Variants in ARID1B observed in about 807,000 individuals in gnomAD.
The protein encoded by ARID1B is AT-rich interaction domain 1B, also known as AT-rich interactive domain-containing protein 1B.
In ARID1B, 30 loss-of-function variants were observed where a neutral mutation model predicts 212.3. The observed-to-expected ratio is 0.14, with a 90% CI of 0.11 to 0.19. The LOEUF is 0.19. ARID1B is among the 10% of genes least tolerant of loss of function. The pLI, the probability that ARID1B is intolerant of heterozygous loss-of-function variation, is 1.00. For synonymous variants in ARID1B, 1,402 were observed against 1,301.7 expected (o/e 1.08, Z -1.66); for missense variants, 2,891 against 3,204.0 (o/e 0.90, Z 2.36).
intron 4 of ARID1B, among the ~76,000 whole-genome samples, chr6:157,057,266 G>T (rs1338642696): frequency 1.3e-5 from 2 of 152,108 alleles, no homozygotes; most frequent in African/African-American, 4.8e-5. Flanking sequence ...AAAGTGTTGG[G>T]ATTACAGGCG....
At chr6:157,142,874 A>T (rs147159814) in intron 7 of ARID1B, among the ~76,000 whole-genome samples, 39 of 152,324 alleles carry the variant, frequency 2.6e-4, no homozygotes, top group African/African-American at 8.9e-4. Context: ...AACCTTGCCC[A>T]TAGTAGTTGT....
intron 4 of ARID1B, among the ~76,000 whole-genome samples, chr6:157,008,068 A>T (rs932607249): frequency 2.6e-5 from 4 of 152,232 alleles, no homozygotes; most frequent in South Asian, 2.1e-4. Context: ...GTGCTATTAC[A>T]GAGATGCATA....
At chr6:157,119,968 G>A (rs1211684298) in intron 6 of ARID1B, among the ~76,000 whole-genome samples, 3 of 152,190 alleles carry the variant, frequency 2.0e-5, no homozygotes, top group African/African-American at 7.2e-5. Context: ...GTGAAATGAG[G>A]ATCATGGATA....
chr6:157,164,672 G>A (rs1161444696), intron 8 of ARID1B: 2 of 152,026 alleles, frequency 1.3e-5, no homozygotes, highest in East Asian at 3.9e-4. Context: ...ATTAGGCCCA[G>A]ATCCTCCTCT....
intron 8 of ARID1B, chr6:157,150,774 G>A (rs536981558): frequency 3.3e-5 from 6 of 183,142 alleles, no homozygotes; most frequent in East Asian, 1.8e-4. Context: ...TGGGGCTGGC[G>A]GACGCCCCAT....
At chr6:156,904,699 G>A (rs1039511588) in intron 3 of ARID1B, among the ~76,000 whole-genome samples, 88 of 152,316 alleles carry the variant, frequency 5.8e-4, no homozygotes, top group Non-Finnish European at 1.0e-3. Flanking sequence ...AATATGAAAT[G>A]CTCCAAAATC....
chr6:157,114,172 G>A (rs1787149691), intron 6 of ARID1B, among the ~76,000 whole-genome samples: 1 of 152,170 alleles, frequency 6.6e-6, no homozygotes, highest in African/African-American at 2.4e-5. Context: ...CTTGTTTAGG[G>A]AAGTGCTGAA....
At chr6:157,103,458 A>G (rs555230028) in intron 5 of ARID1B, among the ~76,000 whole-genome samples, 1 of 152,356 alleles carries the variant, frequency 6.6e-6, no homozygotes, top group South Asian at 2.1e-4. Context: ...GGCACTTGTT[A>G]GTACTGACTG....
intron 2 of ARID1B, among the ~76,000 whole-genome samples, chr6:156,833,015 A>G (rs183091199): frequency 6.4e-4 from 98 of 152,250 alleles, no homozygotes; most frequent in African/African-American, 2.2e-3. Flanking sequence ...TGCCCTAAAA[A>G]CTAGTCTACT....
intron 4 of ARID1B, among the ~76,000 whole-genome samples, chr6:157,069,975 A>G (rs375122646): frequency 6.6e-6 from 1 of 152,300 alleles, no homozygotes. Context: ...CTGATAGAGG[A>G]TAGCCAGTAG....
At chr6:156,785,167 G>T (rs555054410) in intron 1 of ARID1B, among the ~76,000 whole-genome samples, 7 of 152,328 alleles carry the variant, frequency 4.6e-5, no homozygotes, top group South Asian at 2.1e-4. Flanking sequence ...ATGAACTAAT[G>T]ATGAAATTAA....
At chr6:157,056,165 C>CATTAT (rs1334504648) in intron 4 of ARID1B, among the ~76,000 whole-genome samples, 5 of 152,152 alleles carry the variant, frequency 3.3e-5, no homozygotes, top group African/African-American at 9.7e-5. Flanking sequence ...TAGGGTCAGG[C>CATTAT]ATTATGTAGG....
intron 4 of ARID1B, chr6:157,072,654 G>GT (rs1784063804): frequency 2.0e-5 from 3 of 152,062 alleles, no homozygotes; most frequent in Admixed American, 2.0e-4. Flanking sequence ...ACTTATTGCT[G>GT]TTACAATGTC....
chr6:157,097,039 A>G (rs1583300195), intron 5 of ARID1B, among the ~76,000 whole-genome samples: 1 of 151,994 alleles, frequency 6.6e-6, no homozygotes, highest in East Asian at 1.9e-4. Context: ...TTTGTTTTTT[A>G]AGTTTTTCAG....
chr6:157,100,381 G>A (rs145176875), intron 5 of ARID1B, among the ~76,000 whole-genome samples: 38 of 152,292 alleles, frequency 2.5e-4, no homozygotes, highest in African/African-American at 8.2e-4. Flanking sequence ...ACTGTTAACC[G>A]GAACCACTAA....
chr6:157,040,069 C>T (rs1264741975), intron 4 of ARID1B, among the ~76,000 whole-genome samples: 1 of 152,028 alleles, frequency 6.6e-6, no homozygotes, highest in Non-Finnish European at 1.5e-5. Context: ...CCTGCCTCAG[C>T]CTCCTGAGTA....
At chr6:157,169,475 A>C (rs921305800) in intron 9 of ARID1B, 1 of 152,224 alleles carries the variant, frequency 6.6e-6, no homozygotes, top group Non-Finnish European at 1.5e-5. Context: ...CTATTTCTTC[A>C]CTTAAAATGC....
intron 7 of ARID1B, among the ~76,000 whole-genome samples, chr6:157,135,048 A>G (rs1217889007): frequency 6.6e-6 from 1 of 152,004 alleles, no homozygotes; most frequent in Non-Finnish European, 1.5e-5. Context: ...AACTTTTGCT[A>G]TAGGAATTAA....
intron 4 of ARID1B, among the ~76,000 whole-genome samples, chr6:157,000,926 C>G (rs931988833): frequency 6.6e-6 from 1 of 151,974 alleles, no homozygotes; most frequent in African/African-American, 2.4e-5. Context: ...AACTCCTGAC[C>G]TCAAGTGATC....
Sources: allele counts gnomAD v4.1 joint callset (sites outside exome capture counted in the v4.1 genomes callset), GRCh38; gene constraint gnomAD v4.1.1; transcripts MANE v1.5; gene names NCBI Gene and HGNC (gene_info 2026-07-23, HGNC 2026-07-21).